NTNG1: variants seen among roughly 807,000 people sequenced by gnomAD.
The protein encoded by NTNG1 is netrin-G1.
In NTNG1, 16 loss-of-function variants were observed where a neutral mutation model predicts 54.0. The ratio of observed to expected loss-of-function variants is 0.30; its 90% CI spans 0.20 to 0.45. The LOEUF is 0.45. NTNG1 is among the 20% of genes least tolerant of loss of function. The pLI is 1.00. For missense variants in NTNG1, 530 were observed against 678.7 expected (o/e 0.78, Z 2.43); for synonymous variants, 255 against 263.1 (o/e 0.97, Z 0.30).
chr1:107,385,430 A>G (rs986070269), intron 3 of NTNG1, among the ~76,000 whole-genome samples: 1 of 152,118 alleles, frequency 6.6e-6, no homozygotes, highest in Admixed American at 6.6e-5. Flanking sequence ...TTATTCCAGG[A>G]AATAAATGAG....
intron 7 of NTNG1, chr1:107,455,674 G>T (rs117721859): frequency 0.014 from 6,480 of 473,706 alleles, 148 homozygotes; most frequent in East Asian, 0.075. Context: ...TCTGTGAAAT[G>T]AGGTGACAGC....
intron 2 of NTNG1, among the ~76,000 whole-genome samples, chr1:107,157,822 T>G (rs7522583): frequency 0.4 from 60,495 of 151,958 alleles, 14,299 homozygotes; most frequent in African/African-American, 0.68. Context: ...TTTATATATA[T>G]GTAATATTTG....
chr1:107,470,016 G>A (rs1677877139), intron 7 of NTNG1, among the ~76,000 whole-genome samples: 1 of 152,092 alleles, frequency 6.6e-6, no homozygotes, highest in South Asian at 2.1e-4. Flanking sequence ...TTACCAACAA[G>A]ATGGTCATCC....
chr1:107,201,667 G>A (rs369404456), intron 2 of NTNG1, among the ~76,000 whole-genome samples: 157 of 151,946 alleles, frequency 1.0e-3, no homozygotes, highest in African/African-American at 3.5e-3. Context: ...TGCCTAGAAC[G>A]TATCAAACCT....
At chr1:107,407,305 C>G (rs1673490865) in intron 4 of NTNG1, among the ~76,000 whole-genome samples, 1 of 152,072 alleles carries the variant, frequency 6.6e-6, no homozygotes, top group East Asian at 1.9e-4. Context: ...ACTCTGTACC[C>G]ATAACTTAAG....
chr1:107,210,847 G>T (rs1238534694), intron 2 of NTNG1, among the ~76,000 whole-genome samples: 1 of 152,076 alleles, frequency 6.6e-6, no homozygotes, highest in Admixed American at 6.6e-5. Flanking sequence ...TCTCTAGACA[G>T]AGCAGTTCCT....
At chr1:107,449,775 G>A (rs1676516055) in intron 7 of NTNG1, among the ~76,000 whole-genome samples, 2 of 150,706 alleles carry the variant, frequency 1.3e-5, no homozygotes, top group Admixed American at 1.3e-4. Flanking sequence ...TAAATCCAGG[G>A]ATTTATTGTT....
chr1:107,413,360 G>GTC (rs1673970499), intron 5 of NTNG1, among the ~76,000 whole-genome samples: 1 of 151,748 alleles, frequency 6.6e-6, no homozygotes, highest in African/African-American at 2.4e-5. Context: ...TAGAGACGGG[G>GTC]TCTCACCCTA....
chr1:107,332,721 A>C (rs1168619823), intron 3 of NTNG1, among the ~76,000 whole-genome samples: 1 of 152,114 alleles, frequency 6.6e-6, no homozygotes, highest in African/African-American at 2.4e-5. Flanking sequence ...AATGAATTTT[A>C]TCACAGTAAT....
chr1:107,357,137 C>A (rs916089399), intron 3 of NTNG1, among the ~76,000 whole-genome samples: 8 of 152,188 alleles, frequency 5.3e-5, no homozygotes, highest in African/African-American at 1.7e-4. Flanking sequence ...CTAGGCCCCA[C>A]CCCAGTCAGA....
chr1:107,394,755 G>A (rs1322207816), intron 3 of NTNG1, among the ~76,000 whole-genome samples: 1 of 152,136 alleles, frequency 6.6e-6, no homozygotes, highest in Non-Finnish European at 1.5e-5. Flanking sequence ...AGATAACATT[G>A]TTCTTTAAAC....
Position 107,142,418 on chromosome 1 carries a change from C to T in NTNG1, c.-526+1278C>T, listed in dbSNP as rs1020517212. Among the ~76,000 whole-genome samples, 10 of 151,670 alleles carry T rather than the reference C, an allele frequency of 6.6e-5. No individual in the cohort carries two copies. The East Asian group carries it at 1.7e-3, about 26-fold the overall frequency. ...AAAGCAACTTTACTTGGAAAAGTCG[C>T]AGGTTGAGCTCCTATAGTTGCATCA... is the stretch of plus-strand genomic sequence containing the variant. On this transcript the variant is annotated intron_variant, in intron 1 of 7. Coordinates refer to ENST00000370068, the MANE Select transcript of NTNG1 (RefSeq NM_001113226.3).
intron 7 of NTNG1, among the ~76,000 whole-genome samples, chr1:107,438,008 T>G (rs512742): frequency 6.6e-6 from 1 of 151,954 alleles, no homozygotes; most frequent in African/African-American, 2.4e-5. Context: ...TTGTATAATA[T>G]AGTAGTAATA....
intron 3 of NTNG1, among the ~76,000 whole-genome samples, chr1:107,339,621 G>C (rs181524457): frequency 6.6e-6 from 1 of 152,144 alleles, no homozygotes; most frequent in African/African-American, 2.4e-5. Flanking sequence ...GTTCTGTTTA[G>C]TAAACTAGAA....
intron 7 of NTNG1, among the ~76,000 whole-genome samples, chr1:107,451,920 T>A (rs977969508): frequency 6.6e-6 from 1 of 152,164 alleles, no homozygotes; most frequent in Admixed American, 6.6e-5. Flanking sequence ...GAACTCCTAA[T>A]GGCTCTGGTT....
At chr1:107,231,675 A>G (rs546037051) in intron 2 of NTNG1, among the ~76,000 whole-genome samples, 172 of 152,268 alleles carry the variant, frequency 1.1e-3, no homozygotes, top group African/African-American at 3.9e-3. Flanking sequence ...CTCCTGGATG[A>G]TAACCATCAA....
intron 2 of NTNG1, among the ~76,000 whole-genome samples, chr1:107,305,647 G>A (rs766357760): frequency 6.6e-6 from 1 of 152,002 alleles, no homozygotes; most frequent in Middle Eastern, 3.2e-3. Flanking sequence ...CTCTTTAATA[G>A]ATGGATAGAT....
chr1:107,318,591 A>G (rs1454114608), intron 2 of NTNG1, among the ~76,000 whole-genome samples: 1 of 152,138 alleles, frequency 6.6e-6, no homozygotes, highest in Non-Finnish European at 1.5e-5. Context: ...AAACTGCAAA[A>G]GTTATGGCCA....
chr1:107,242,448 T>C (rs1408162234), intron 2 of NTNG1, among the ~76,000 whole-genome samples: 1 of 152,218 alleles, frequency 6.6e-6, no homozygotes, highest in Non-Finnish European at 1.5e-5. Context: ...GAATCTGTGG[T>C]AAGAGAAAGT....
Sources: gnomAD v4.1 joint callset for allele counts (sites outside exome capture counted in the v4.1 genomes callset) on GRCh38, gnomAD v4.1.1 for gene constraint, MANE v1.5 for transcripts, NCBI Gene and HGNC (gene_info 2026-07-23, HGNC 2026-07-21) for gene names.